The following FBXO27 variants were observed in gnomAD, a reference collection of about 807,000 sequenced individuals.
FBXO27 encodes F-box only protein 27.
FBXO27 carries 28 observed loss-of-function variants against 28.3 expected under a neutral mutation model. That is an observed-to-expected ratio of 0.99 (90% CI 0.73 to 1.36). The LOEUF (loss-of-function observed/expected upper bound fraction) is 1.36, where lower values mean the gene tolerates loss of function less well. Among genes scored for constraint, FBXO27 ranks in the 40% most tolerant of loss-of-function variants. FBXO27 has a pLI of 0.00. For synonymous variants in FBXO27, 175 were observed against 167.3 expected, an observed-to-expected ratio of 1.05 and a Z score of -0.36; for missense variants, 388 against 394.1, an observed-to-expected ratio of 0.98 and a Z score of 0.13.
Position 39,006,654 on chromosome 19 carries a change from G to A in FBXO27, c.252+7733C>T, listed in dbSNP as rs1280212058. On this transcript the variant is annotated intron_variant, in intron 2 of 2. Transcript: ENST00000598394. ...AGTGGCTTCCTCCTTGTTTCTGTAT[G>A]AATTGTTTTATGTGGTTCAAGACAT... Among the ~76,000 whole-genome samples the A allele has an allele frequency of 2.0e-5, 3 of 152,062 alleles. No homozygotes were observed. The East Asian group carries it at 5.8e-4, about 29-fold the overall frequency.
At chr19:39,017,225 A>C (rs2072824445) in intron 1 of FBXO27, among the ~76,000 whole-genome samples, 2 of 152,156 alleles carry the variant, frequency 1.3e-5, no homozygotes, top group Non-Finnish European at 2.9e-5. Context: ...GTTTACAGAC[A>C]CTGTACTTGT....
intron 2 of FBXO27, chr19:39,031,528 G>A (rs2072903486): frequency 3.3e-6 from 2 of 614,042 alleles, no homozygotes; most frequent in Non-Finnish European, 5.6e-6. Flanking sequence ...GCAAAGCCCT[G>A]CCCCTCCAAC....
chr19:39,032,352 C>T lies in FBXO27; in HGVS notation c.-26-99G>A, dbSNP rs948264147. ...CTGCCAGCCGCACCCCCGTCTTCAC[C>T]ATCCCTGGGCCCCGTCCCCAAGTCC... On this transcript the variant is annotated intron_variant, in intron 1 of 5. Transcript: ENST00000292853. The surrounding 1 kb of genome is among the most constrained non-coding windows in gnomAD (Gnocchi z 4.7). 2.3e-5 allele frequency: 30 copies of T among 1,302,138 alleles called. 1 individual carries two copies. The African/African-American group carries it at 2.5e-4, about 11-fold the overall frequency. 80.7% of individuals were successfully genotyped at this position (1,302,138 alleles called of 1,614,324 possible).
In FBXO27 at chr19:39,032,383, C is replaced by T; in HGVS notation, c.-27+120G>A. The T allele has an allele frequency of 5.4e-6, 6 of 1,119,620 alleles. No individual in the cohort carries two copies. The highest frequency in any genetic ancestry group is 2.0e-5 in the South Asian group (1 of 51,254). 69.4% of individuals were successfully genotyped at this position (1,119,620 alleles called of 1,614,324 possible). On this transcript the variant is annotated intron_variant, in intron 1 of 5. Coordinates refer to ENST00000292853, the MANE Select transcript of FBXO27 (RefSeq NM_178820.5). This position sits in a 1 kb window ranked among gnomAD's most constrained non-coding sequence, Gnocchi z 4.7. ...TGGGCCCCGTCCCCAAGTCCCCATCCCCCAGCCCGTCCTTGATAGCCCCGA... is the reference window on the plus strand; with the variant it reads ...TGGGCCCCGTCCCCAAGTCCCCATCTCCCAGCCCGTCCTTGATAGCCCCGA...
rs571812050 is a variant in FBXO27 at position 39,015,229 on chromosome 19, G to A, written c.92-682C>T. Among the ~76,000 whole-genome samples, 6 of 147,852 alleles carry A rather than the reference G, an allele frequency of 4.1e-5. No homozygotes were observed. The South Asian group carries it at 8.5e-4, about 21-fold the overall frequency. The stretch of plus-strand genomic sequence containing the variant: ...AGCTACTTGGGAAGCTGAGGCAGGA[G>A]GATGGCTTGAGCCTGGGAGGCAGAG... On this transcript the variant is annotated intron_variant, in intron 1 of 2. Transcript: ENST00000598394.
downstream of FBXO27, among the ~76,000 whole-genome samples, chr19:39,023,737 C>A (rs1437650282): frequency 6.6e-6 from 1 of 152,158 alleles, no homozygotes; most frequent in African/African-American, 2.4e-5. Context: ...CCTCAGCCTC[C>A]CGAGTAACTG....
At chr19:39,012,476 G>T (rs143098875) in intron 2 of FBXO27, among the ~76,000 whole-genome samples, 1 of 152,064 alleles carries the variant, frequency 6.6e-6, no homozygotes, top group Non-Finnish European at 1.5e-5. Context: ...GAGCCACCAC[G>T]CCCAGCGTCA....
rs186408998 is a variant in FBXO27, at chr19:39,028,049, T to C, written c.573-1044A>G. 1.3e-4 allele frequency among the ~76,000 whole-genome samples: 20 copies of C among 151,878 alleles called. No homozygotes were observed. The East Asian group carries it at 3.8e-3, about 29-fold the overall frequency. Reference sequence around the variant, plus strand: ...TGAGGTTAGGAGTTCGAGACCAGCCTGGCCAACATGGTGAAACCTTGTCTC... The same window carrying C: ...TGAGGTTAGGAGTTCGAGACCAGCCCGGCCAACATGGTGAAACCTTGTCTC... On this transcript the variant is annotated intron_variant, in intron 4 of 5. Transcript: ENST00000292853.
intron 4 of FBXO27, among the ~76,000 whole-genome samples, chr19:39,029,042 TAA>T (rs1249127334): frequency 8.4e-4 from 77 of 91,898 alleles, no homozygotes; most frequent in Admixed American, 9.9e-4. Flanking sequence ...ACTCTGTCTC[TAA>T]AAAAAAAAAA....
At chr19:39,027,546 A>G (rs991462002) in intron 4 of FBXO27, among the ~76,000 whole-genome samples, 7 of 152,290 alleles carry the variant, frequency 4.6e-5, no homozygotes, top group African/African-American at 1.7e-4. Context: ...ATGCTGCTCT[A>G]TGCCCTCCTT....
Position 39,025,216 on chromosome 19 carries a change from A to G in FBXO27, c.*195T>C, listed in dbSNP as rs1008849884. The G allele has an allele frequency of 1.5e-5, 10 of 675,404 alleles. No homozygotes were observed. The Admixed American group carries it at 2.9e-4, about 20-fold the overall frequency. The allele number at this position is 675,404 out of a possible 1,614,324, so 41.8% of individuals were successfully genotyped here. A position where few individuals can be genotyped will look rare whatever the true frequency, so the allele number is the denominator to read the frequency against. On this transcript the variant is annotated 3_prime_UTR_variant, in exon 6 of 6. Transcript: ENST00000292853. ...GCAAAGCAGCAGCTGCAGTAGGTAG[A>G]TAAGATGGAAGAAGCTTCTTCTGGT... is the stretch of plus-strand genomic sequence containing the variant.
chr19:39,028,157 G>C (rs1477798854), intron 4 of FBXO27, among the ~76,000 whole-genome samples: 1 of 152,008 alleles, frequency 6.6e-6, no homozygotes, highest in East Asian at 2.0e-4. Context: ...CTGGAACCCA[G>C]GAGGCAGAGG....
rs1276965563 is a variant in FBXO27, at chr19:39,028,723, C to T, written c.573-1718G>A. Among the ~76,000 whole-genome samples, 6 of 152,114 alleles carry T rather than the reference C, an allele frequency of 3.9e-5. No individual in the cohort carries two copies. The South Asian group carries it at 1.2e-3, about 32-fold the overall frequency. ...ACTAAAAATACAAAAATTAGCCAGG[C>T]GTGGTGGTACACACCTGCAATCCGA... On this transcript the variant is annotated intron_variant, in intron 4 of 5. Transcript: ENST00000292853.
intron 4 of FBXO27, 67 bp downstream of exon 4, chr19:39,030,962 C>T: frequency 7.4e-7 from 1 of 1,348,180 alleles, no homozygotes; most frequent in Non-Finnish European, 1.1e-6. Flanking sequence ...AATTAAGTCA[C>T]CCATAAAAAG....
In FBXO27 at chr19:39,032,433, G is replaced by A. The variant is rs918014906; in HGVS notation, c.-27+70C>T. On this transcript the variant is annotated intron_variant, in intron 1 of 5. Coordinates refer to ENST00000292853, the MANE Select transcript of FBXO27 (RefSeq NM_178820.5). The surrounding 1 kb of genome is among the most constrained non-coding windows in gnomAD (Gnocchi z 4.7). ...ATATCCCGGAGACCCCGCGGTCTGT[G>A]TGTATGCCCCGAATTGCATGCAATC... 6 of 710,276 alleles carry A rather than the reference G, an allele frequency of 8.4e-6. No homozygotes were observed. In the Admixed American group the frequency reaches 2.1e-4, roughly 25 times the overall value. 44.0% of individuals were successfully genotyped at this position (710,276 alleles called of 1,614,324 possible).
chr19:39,018,387 T>C (rs12971842), intron 1 of FBXO27, among the ~76,000 whole-genome samples: 73,086 of 152,020 alleles, frequency 0.48, 17,735 homozygotes, highest in Middle Eastern at 0.58. Context: ...TTAAACACCA[T>C]GTGATGCTAA....
At position 39,032,024 on chromosome 19, in the gene FBXO27, C is replaced by A; in HGVS notation, c.204G>T (p.Leu68=). ...CGCCGTGGTCGCGGGCCAGGATCAG[C>A]AGCCACAGGGCCTGGCCGTCCACCA... The part of the protein sequence containing the change: ...RALVDGQALW[L]LILARDHGAT... Residue 68 remains leucine (L), a synonymous_variant, in exon 2 of 6, where the codon CTG becomes CTT. Coordinates refer to ENST00000292853, the MANE Select transcript of FBXO27 (RefSeq NM_178820.5). This position sits in a 1 kb window ranked among gnomAD's most constrained non-coding sequence, Gnocchi z 4.7. 6.5e-7 allele frequency: 1 copy of A among 1,527,272 alleles called. No homozygotes were observed. The highest frequency in any genetic ancestry group is 8.7e-7 in the Non-Finnish European group (1 of 1,143,976). The allele number at this position is 1,527,272 out of a possible 1,614,324, so 94.6% of individuals were successfully genotyped here.
At chr19:39,007,729 G>A (rs1975746042) in intron 2 of FBXO27, among the ~76,000 whole-genome samples, 2 of 152,044 alleles carry the variant, frequency 1.3e-5, no homozygotes, top group African/African-American at 2.4e-5. Flanking sequence ...TGCAACCTCC[G>A]CCTCCCAGGC....
chr19:39,011,954 G>T (rs953304334), intron 2 of FBXO27, among the ~76,000 whole-genome samples: 1 of 150,220 alleles, frequency 6.7e-6, no homozygotes. Context: ...TCAGCCTCCC[G>T]AGTAGCTGGG....
Sources: gnomAD v4.1 joint callset for allele counts (sites outside exome capture counted in the v4.1 genomes callset) on GRCh38, gnomAD v4.1.1 for gene constraint, Gnocchi (gnomAD v3.1) non-coding constraint, MANE v1.5 for transcripts, NCBI Gene and HGNC (gene_info 2026-07-23, HGNC 2026-07-21) for gene names.